SCHIP1: variants seen among roughly 807,000 people sequenced by gnomAD.
SCHIP1 encodes the protein schwannomin interacting protein 1, also known as schwannomin-interacting protein 1.
Under a neutral mutation model 29.7 loss-of-function variants are expected in SCHIP1, and 8 were observed. That is an observed-to-expected ratio of 0.27 (90% CI 0.16 to 0.49). The LOEUF (loss-of-function observed/expected upper bound fraction) is 0.49. SCHIP1 is among the 20% of genes least tolerant of loss of function. SCHIP1 has a pLI of 0.99. For missense variants in SCHIP1, 193 were observed against 294.6 expected, an observed-to-expected ratio of 0.66 and a Z score of 2.52; for synonymous variants, 76 against 94.9, an observed-to-expected ratio of 0.80 and a Z score of 1.16.
chr3:159,301,716 T>C, the SCHIP1 span, among the ~76,000 whole-genome samples: 1 of 152,210 alleles, frequency 6.6e-6, no homozygotes, highest in Non-Finnish European at 1.5e-5. Context: ...CCATGTAAGA[T>C]GTGCCTTGCT....
At chr3:159,666,105 T>G in the SCHIP1 span, among the ~76,000 whole-genome samples, 1 of 152,144 alleles carries the variant, frequency 6.6e-6, no homozygotes. Context: ...CTCCAAATAA[T>G]GAACTCCAAT....
chr3:159,875,032 AC>A (rs201674213), intron 2 of SCHIP1, among the ~76,000 whole-genome samples: 2,721 of 144,554 alleles, frequency 0.019, 81 homozygotes, highest in South Asian at 0.023. Flanking sequence ...AAAAAAAAAA[AC>A]AAAAACTATC....
chr3:159,811,984 T>TG, the SCHIP1 span, among the ~76,000 whole-genome samples: 10 of 151,228 alleles, frequency 6.6e-5, 1 homozygote, highest in Middle Eastern at 3.4e-3. Context: ...GTTTTTGTTT[T>TG]TTTTTTTGGC....
chr3:159,597,611 T>C, the SCHIP1 span, among the ~76,000 whole-genome samples: 1 of 152,162 alleles, frequency 6.6e-6, no homozygotes, highest in Non-Finnish European at 1.5e-5. Flanking sequence ...ATGATTTCCT[T>C]TTTTTTAAAA....
chr3:159,705,540 C>T, the SCHIP1 span, among the ~76,000 whole-genome samples: 2 of 151,944 alleles, frequency 1.3e-5, no homozygotes, highest in Non-Finnish European at 2.9e-5. Flanking sequence ...AGAGAGAGAA[C>T]AGCACTTGGA....
the SCHIP1 span, among the ~76,000 whole-genome samples, chr3:159,399,334 A>G: frequency 6.6e-6 from 1 of 152,004 alleles, no homozygotes; most frequent in Non-Finnish European, 1.5e-5. Context: ...ATTGTATTGT[A>G]TTAGATCATG....
the SCHIP1 span, among the ~76,000 whole-genome samples, chr3:159,459,711 A>G: frequency 6.6e-6 from 1 of 152,190 alleles, no homozygotes; most frequent in Admixed American, 6.5e-5. Flanking sequence ...AGGCACCTCC[A>G]GTACCTACAA....
At chr3:159,426,148 C>T in the SCHIP1 span, among the ~76,000 whole-genome samples, 2 of 151,888 alleles carry the variant, frequency 1.3e-5, no homozygotes, top group South Asian at 4.2e-4. Context: ...AAAGCAAGAG[C>T]AAACACATTC....
chr3:159,296,108 A>C, the SCHIP1 span, among the ~76,000 whole-genome samples: 1 of 151,900 alleles, frequency 6.6e-6, no homozygotes, highest in Non-Finnish European at 1.5e-5. Context: ...AAAACAACCG[A>C]AATTTGAGGA....
intron 4 of SCHIP1, 40 bp from the exon 6 acceptor site, chr3:159,888,780 C>T: frequency 6.2e-7 from 1 of 1,609,258 alleles, no homozygotes; most frequent in Non-Finnish European, 8.5e-7. Context: ...GTGTTTGTGG[C>T]TCTGTTCACT....
intron 2 of SCHIP1, among the ~76,000 whole-genome samples, chr3:159,878,432 A>G (rs1167938660): frequency 6.6e-6 from 1 of 151,600 alleles, no homozygotes. Context: ...CAGTGAGCCA[A>G]GATTGCACCC....
chr3:159,552,541 T>C, the SCHIP1 span, among the ~76,000 whole-genome samples: 1 of 152,198 alleles, frequency 6.6e-6, no homozygotes, highest in Non-Finnish European at 1.5e-5. Context: ...TAAAAGACTA[T>C]TTTACAGAAT....
chr3:159,781,970 T>C, the SCHIP1 span, among the ~76,000 whole-genome samples: 3 of 152,242 alleles, frequency 2.0e-5, no homozygotes, highest in Admixed American at 1.3e-4. Context: ...TGAATTTATA[T>C]GTAGAATAGG....
At chr3:159,385,579 A>C in the SCHIP1 span, among the ~76,000 whole-genome samples, 7,419 of 26,158 alleles carry the variant, frequency 0.28, 478 homozygotes, top group African/African-American at 0.44. Context: ...AACAAACAAA[A>C]AAAAAAAAAC....
chr3:159,283,967 G>A, the SCHIP1 span, among the ~76,000 whole-genome samples: 1 of 152,022 alleles, frequency 6.6e-6, no homozygotes, highest in African/African-American at 2.4e-5. Flanking sequence ...CTATTTTATG[G>A]TATGTTGTTT....
At chr3:159,799,822 C>G in the SCHIP1 span, among the ~76,000 whole-genome samples, 1 of 152,182 alleles carries the variant, frequency 6.6e-6, no homozygotes, top group African/African-American at 2.4e-5. Flanking sequence ...TGGACTTTAT[C>G]CTAAGAATAG....
At chr3:159,696,169 C>G in the SCHIP1 span, among the ~76,000 whole-genome samples, 2 of 152,178 alleles carry the variant, frequency 1.3e-5, no homozygotes, top group Non-Finnish European at 2.9e-5. Flanking sequence ...TGGTTTATAA[C>G]AAATGGTTTA....
chr3:159,538,038 G>T, the SCHIP1 span, among the ~76,000 whole-genome samples: 1 of 152,128 alleles, frequency 6.6e-6, no homozygotes, highest in Admixed American at 6.6e-5. Flanking sequence ...AAGGAGATTA[G>T]CCATGTTGCC....
At chr3:159,322,756 T>C in the SCHIP1 span, among the ~76,000 whole-genome samples, 2 of 152,224 alleles carry the variant, frequency 1.3e-5, no homozygotes, top group Non-Finnish European at 2.9e-5. Flanking sequence ...TCCCTAGTCC[T>C]TCCTTGCTCT....
Sources: allele counts gnomAD v4.1 joint callset (sites outside exome capture counted in the v4.1 genomes callset), GRCh38; gene constraint gnomAD v4.1.1; transcripts MANE v1.5; gene names NCBI Gene and HGNC (gene_info 2026-07-23, HGNC 2026-07-21).